Variants in RASGRP1 observed in about 807,000 individuals in gnomAD.
RASGRP1 encodes RAS guanyl releasing protein 1.
RASGRP1 carries 37 observed loss-of-function variants against 95.1 expected under a neutral mutation model. That is an observed-to-expected ratio of 0.39 (90% CI 0.30 to 0.51). The LOEUF is 0.51. Among genes scored for constraint, RASGRP1 ranks in the 20% least tolerant of loss-of-function variants. The pLI is 0.80. For missense variants in RASGRP1, 711 were observed against 965.4 expected, an observed-to-expected ratio of 0.74 and a Z score of 3.49; for synonymous variants, 325 against 353.4, an observed-to-expected ratio of 0.92 and a Z score of 0.90.
chr15:38,499,997 A>T lies in RASGRP1; in HGVS notation c.1720+106T>A, dbSNP rs1163909773. ...CACCAGCCCTGTGGAACTGTGAGTC[A>T]ATTAAACCTCTTGCCTTTATAAATT... On this transcript the variant is annotated intron_variant, in intron 14 of 16. Transcript: ENST00000310803. 6.9e-6 allele frequency: 8 copies of T among 1,154,274 alleles called. No individual in the cohort carries two copies. In the East Asian group the frequency reaches 1.9e-4, roughly 27 times the overall value. The allele number at this position is 1,154,274 out of a possible 1,614,324, so 71.5% of individuals were successfully genotyped here.
intron 2 of RASGRP1, among the ~76,000 whole-genome samples, chr15:38,542,866 T>TATATGTGTATATATATACAC (rs1566933435): frequency 7.0e-6 from 1 of 142,136 alleles, no homozygotes; most frequent in East Asian, 2.0e-4. Flanking sequence ...TATATACACA[T>TATATGTGTATATATATACAC]ATATGTGTAT....
At chr15:38,502,516 G>A (rs1033975016) in intron 11 of RASGRP1, 95 bp from the exon 12 acceptor site, 40 of 743,554 alleles carry the variant, frequency 5.4e-5, no homozygotes, top group Non-Finnish European at 7.6e-5. Context: ...TTGGATAAAA[G>A]CCTTTTAACA....
chr15:38,508,384 C>T (rs1891352738), intron 8 of RASGRP1, among the ~76,000 whole-genome samples: 1 of 152,180 alleles, frequency 6.6e-6, no homozygotes, highest in Non-Finnish European at 1.5e-5. Flanking sequence ...ATGTGATTCC[C>T]TTCCTTGGTG....
chr15:38,516,081 G>A, intron 6 of RASGRP1, 116 bp downstream of exon 6: 2 of 1,215,832 alleles, frequency 1.6e-6, no homozygotes, highest in Non-Finnish European at 1.2e-6. Context: ...TGGCAGGAAA[G>A]CCTGCCACGA....
chr15:38,549,254 A>T (rs1262361139), intron 2 of RASGRP1, among the ~76,000 whole-genome samples: 1 of 152,228 alleles, frequency 6.6e-6, no homozygotes, highest in East Asian at 1.9e-4. Context: ...AAGGGCAGAG[A>T]GTGTGAAAAA....
intron 2 of RASGRP1, among the ~76,000 whole-genome samples, chr15:38,547,796 G>A (rs774619442): frequency 3.6e-4 from 55 of 152,034 alleles, no homozygotes; most frequent in Admixed American, 1.6e-3. Context: ...TCTTTTCACC[G>A]CTTGCTGAAA....
intron 2 of RASGRP1, among the ~76,000 whole-genome samples, chr15:38,548,410 G>A (rs567070358): frequency 6.6e-6 from 1 of 151,938 alleles, no homozygotes; most frequent in East Asian, 1.9e-4. Flanking sequence ...AAAAAAATAC[G>A]CATACACACA....
In RASGRP1 at chr15:38,551,531, C is replaced by T. The variant is rs370313735; in HGVS notation, c.220+8290G>A. Among the ~76,000 whole-genome samples the T allele has an allele frequency of 1.2e-4, 18 of 152,272 alleles. No homozygotes were observed. The South Asian group carries it at 3.7e-3, about 32-fold the overall frequency. On this transcript the variant is annotated intron_variant, in intron 2 of 16. Transcript: ENST00000310803. ...CGACAATGTATGATATGGAATTATA[C>T]ACTGGGTTAAGTAAAACTGATTAAA...
chr15:38,499,302 T>C (rs1890918997), intron 14 of RASGRP1: 2 of 382,226 alleles, frequency 5.2e-6, no homozygotes, highest in Middle Eastern at 1.6e-3. Flanking sequence ...AGGTTTCCTC[T>C]CTTTCACTCC....
chr15:38,519,434 T>A, intron 3 of RASGRP1, 63 bp from the exon 4 acceptor site: 1 of 1,216,900 alleles, frequency 8.2e-7, no homozygotes, highest in Non-Finnish European at 1.2e-6. Context: ...TTTTCATCTT[T>A]GGAAGTATTT....
intron 16 of RASGRP1, among the ~76,000 whole-genome samples, chr15:38,491,318 G>T (rs957343167): frequency 1.3e-5 from 2 of 152,114 alleles, no homozygotes; most frequent in African/African-American, 4.8e-5. Context: ...GGATACACTG[G>T]GTTGTTTCTC....
intron 13 of RASGRP1, among the ~76,000 whole-genome samples, chr15:38,500,634 C>T (rs1297984823): frequency 6.6e-6 from 1 of 152,186 alleles, no homozygotes; most frequent in Non-Finnish European, 1.5e-5. Context: ...GCATGAGCCA[C>T]CACACCTGGC....
At chr15:38,515,910 A>AGAGAGAGTGT (rs779224083) in intron 6 of RASGRP1, among the ~76,000 whole-genome samples, 69 of 143,462 alleles carry the variant, frequency 4.8e-4, no homozygotes, top group Non-Finnish European at 9.1e-4. Context: ...AGAGAGAGAG[A>AGAGAGAGTGT]GTGTGTGTGT....
chr15:38,527,984 G>GTA (rs945344315), intron 2 of RASGRP1, among the ~76,000 whole-genome samples: 29 of 151,982 alleles, frequency 1.9e-4, no homozygotes, highest in African/African-American at 5.3e-4. Flanking sequence ...ATATTAAAAT[G>GTA]TATATATATA....
Position 38,490,586 on chromosome 15 carries a change from A to C in RASGRP1, c.2362T>G (p.Leu788Val). ...SLQLEKSNHV[L>V]AQMEQGDCS ...CAGTCACCCTGCTCCATTTGAGCTA[A>C]GACATGATTGCTTTTTTCAAGCTGG... Residue 788 changes from leucine to valine, a missense_variant, in exon 17 of 17, where the codon TTA (leucine) becomes GTA (valine). Leu to Val is a conservative substitution (Grantham distance 32). This residue lies in a region of RASGRP1 where 212 missense variants were observed against 247.8 expected (regional missense o/e 0.86). Transcript: ENST00000310803. The C allele has an allele frequency of 6.2e-7, 1 of 1,613,440 alleles. No individual in the cohort carries two copies. The highest frequency in any genetic ancestry group is 8.5e-7 in the Non-Finnish European group (1 of 1,179,532).
At chr15:38,507,102 C>CT (rs1345639046) in intron 9 of RASGRP1, among the ~76,000 whole-genome samples, 1 of 152,194 alleles carries the variant, frequency 6.6e-6, no homozygotes, top group Non-Finnish European at 1.5e-5. Context: ...ATCCCAGAGA[C>CT]TAATTCGTTT....
At chr15:38,545,076 C>A (rs1893058179) in intron 2 of RASGRP1, among the ~76,000 whole-genome samples, 1 of 152,190 alleles carries the variant, frequency 6.6e-6, no homozygotes, top group South Asian at 2.1e-4. Flanking sequence ...ATATGTCCCA[C>A]TGGAGGTAAA....
intron 6 of RASGRP1, among the ~76,000 whole-genome samples, chr15:38,513,597 CTA>C (rs1891634233): frequency 6.6e-6 from 1 of 152,288 alleles, no homozygotes; most frequent in South Asian, 2.1e-4. Context: ...ATTTGGTTAG[CTA>C]TATGTTTGCT....
chr15:38,560,524 G>C (rs2141201363), intron 1 of RASGRP1, among the ~76,000 whole-genome samples: 1 of 152,148 alleles, frequency 6.6e-6, no homozygotes, highest in African/African-American at 2.4e-5. Flanking sequence ...CAATACCTGA[G>C]ATACTACACA....
Sources: allele counts gnomAD v4.1 joint callset (sites outside exome capture counted in the v4.1 genomes callset), GRCh38; gene constraint gnomAD v4.1.1; regional missense constraint gnomAD v4.1.1; transcripts MANE v1.5; gene names NCBI Gene and HGNC (gene_info 2026-07-23, HGNC 2026-07-21).